Variants in IGSF9B observed in about 807,000 individuals in gnomAD.
IGSF9B encodes the protein protein turtle homolog B.
A neutral mutation model predicts 143.7 loss-of-function variants in IGSF9B; 48 were observed. That is an observed-to-expected ratio of 0.33 (90% confidence interval 0.26 to 0.42). The LOEUF (loss-of-function observed/expected upper bound fraction) is 0.42. Ranked by LOEUF, IGSF9B falls within the 20% of genes least tolerant of loss-of-function variation. The probability of loss-of-function intolerance (pLI) is 1.00; values close to 1 mark genes in which losing one functional copy is unlikely to be tolerated. For synonymous variants in IGSF9B, 903 were observed against 833.1 expected (o/e 1.08, Z -1.44); for missense variants, 1,706 against 1,980.0 (o/e 0.86, Z 2.63).
chr11:133,939,718 A>G (rs1284773731), intron 3 of IGSF9B, among the ~76,000 whole-genome samples: 2 of 152,018 alleles, frequency 1.3e-5, no homozygotes, highest in African/African-American at 4.8e-5. Flanking sequence ...ACACGTCATC[A>G]CATGCAAAAA....
chr11:133,913,562 C>T lies in IGSF9B; in HGVS notation c.3984-1555G>A, dbSNP rs952365158. On this transcript the variant is annotated intron_variant, in intron 18 of 19. Transcript: ENST00000533871. The surrounding 1 kb of genome is among the most constrained non-coding windows in gnomAD (Gnocchi z 4.6). ...AAAGGCTCCCTCAAAGTTCAGGTCA[C>T]GGTCAACCTCTTGACTTTCCATAGC... 1.3e-5 allele frequency among the ~76,000 whole-genome samples: 2 copies of T among 152,202 alleles called. No homozygotes were observed. Among genetic ancestry groups the T allele is most frequent in the African/African-American group, 2.4e-5 (1 of 41,454 alleles).
chr11:133,928,247 G>C lies in IGSF9B; in HGVS notation c.1632-1156C>G, dbSNP rs1027517420. Among the ~76,000 whole-genome samples the C allele has an allele frequency of 6.6e-6, 1 of 152,220 alleles. No individual in the cohort carries two copies. Among genetic ancestry groups the C allele is most frequent in the African/African-American group, 2.4e-5 (1 of 41,546 alleles). Reference sequence around the variant, plus strand: ...GGACACCTAGGCGCTGAGCAGCACCGGTCTCCCAGCAGCCACCGGGCAGGC... The same window carrying C: ...GGACACCTAGGCGCTGAGCAGCACCCGTCTCCCAGCAGCCACCGGGCAGGC... On this transcript the variant is annotated intron_variant, in intron 12 of 19. Coordinates refer to ENST00000533871, the MANE Select transcript of IGSF9B (RefSeq NM_001277285.4). This position sits in a 1 kb window ranked among gnomAD's most constrained non-coding sequence, Gnocchi z 4.7.
Position 133,903,631 on chromosome 11 carries a change from C to A in IGSF9B, c.*5438G>T, listed in dbSNP as rs141535313. ...CTCAGGGGATGGTGGTGTCTTTGGA[C>A]CAAATTCAATCTACTGAGTGTTTTT... On this transcript the variant is annotated 3_prime_UTR_variant, in exon 20 of 20. Transcript: ENST00000533871. 6.6e-5 allele frequency among the ~76,000 whole-genome samples: 10 copies of A among 152,280 alleles called. No individual in the cohort carries two copies. The highest frequency in any genetic ancestry group is 2.4e-4 in the African/African-American group (10 of 41,550).
intron 18 of IGSF9B, among the ~76,000 whole-genome samples, chr11:133,915,545 CTT>C (rs1238024126): frequency 6.6e-6 from 1 of 152,114 alleles, no homozygotes; most frequent in Non-Finnish European, 1.5e-5. Context: ...AGCCCACACT[CTT>C]TTTCTCTCTT....
chr11:133,917,197 G>A (rs1306937880), intron 18 of IGSF9B, among the ~76,000 whole-genome samples: 3 of 152,198 alleles, frequency 2.0e-5, no homozygotes, highest in Non-Finnish European at 4.4e-5. Context: ...CGATGCCTGT[G>A]TGTGCCCAGG....
Position 133,945,892 on chromosome 11 carries a change from C to T in IGSF9B, c.262+169G>A, listed in dbSNP as rs1160376115. Reference sequence around the variant, plus strand: ...CCTGCCCCACCTCCACAGCCCTCTCCTCCCACCGCTTGATTAGAACCAACA... The same window carrying T: ...CCTGCCCCACCTCCACAGCCCTCTCTTCCCACCGCTTGATTAGAACCAACA... On this transcript the variant is annotated intron_variant, in intron 2 of 19. Transcript: ENST00000533871. This position sits in a 1 kb window ranked among gnomAD's most constrained non-coding sequence, Gnocchi z 4.6. Among the ~76,000 whole-genome samples the T allele has an allele frequency of 6.6e-6, 1 of 152,018 alleles. No homozygotes were observed. Among genetic ancestry groups the T allele is most frequent in the Non-Finnish European group, 1.5e-5 (1 of 68,012 alleles).
rs1219100895 is a variant in IGSF9B at position 133,944,210 on chromosome 11, C to T, written c.409+10G>A. The T allele has an allele frequency of 2.0e-5, 31 of 1,588,696 alleles. No individual in the cohort carries two copies. Among genetic ancestry groups the T allele is most frequent in the African/African-American group, 5.4e-5 (4 of 74,508 alleles). ...GGTGAGGTGGACCCACCCTGGAAGCCGTCACTCACCGTTGATGGTGAGGTG... is the reference window on the plus strand; with the variant it reads ...GGTGAGGTGGACCCACCCTGGAAGCTGTCACTCACCGTTGATGGTGAGGTG... On this transcript the variant is annotated intron_variant, in intron 3 of 19. Transcript: ENST00000533871.
intron 16 of IGSF9B, 83 bp from the exon 17 acceptor site, chr11:133,922,305 C>A (rs369500100): frequency 7.8e-7 from 1 of 1,287,376 alleles, no homozygotes; most frequent in Admixed American, 1.9e-5. Flanking sequence ...CTGACAGAGC[C>A]GGAGCACCAC....
chr11:133,912,440 C>T (rs1939315755), intron 18 of IGSF9B: 3 of 446,620 alleles, frequency 6.7e-6, no homozygotes, highest in Admixed American at 4.8e-5. Context: ...CAGCTCCCAT[C>T]CCAGTGAATC....
Position 133,916,937 on chromosome 11 carries a change from A to G in IGSF9B, c.3983+2805T>C, listed in dbSNP as rs1013229487. On this transcript the variant is annotated intron_variant, in intron 18 of 19. Coordinates refer to ENST00000533871, the MANE Select transcript of IGSF9B (RefSeq NM_001277285.4). ...GCCTGACAGCCCTCACACTCACCCT[A>G]TGCCAGACAGCCTCACCCACAATTC... Among the ~76,000 whole-genome samples, 5 of 152,112 alleles carry G rather than the reference A, an allele frequency of 3.3e-5. No homozygotes were observed. In the East Asian group the frequency reaches 9.7e-4, roughly 29 times the overall value.
rs1041622675 is a variant in IGSF9B, at chr11:133,909,421, G to A, written c.4106-144C>T. The A allele has an allele frequency of 2.6e-5, 18 of 694,816 alleles. No homozygotes were observed. The highest frequency in any genetic ancestry group is 1.6e-4 in the East Asian group (6 of 36,774). The allele number at this position is 694,816 out of a possible 1,614,324, so 43.0% of individuals were successfully genotyped here. A position where few individuals can be genotyped will look rare whatever the true frequency, so the allele number is the denominator to read the frequency against. Reference sequence around the variant, plus strand: ...CACCTGAGTCTAGAGAGACCAGACCGAATTGCTGCAGAGAAACCACCTTCT... The same window carrying A: ...CACCTGAGTCTAGAGAGACCAGACCAAATTGCTGCAGAGAAACCACCTTCT... On this transcript the variant is annotated intron_variant, in intron 19 of 19. Transcript: ENST00000533871. This position sits in a 1 kb window ranked among gnomAD's most constrained non-coding sequence, Gnocchi z 4.2.
Position 133,920,684 on chromosome 11 carries a change from T to A in IGSF9B, c.3041A>T (p.Glu1014Val). 6.2e-7 allele frequency: 1 copy of A among 1,613,050 alleles called. No homozygotes were observed. Among genetic ancestry groups the A allele is most frequent in the South Asian group, 1.1e-5 (1 of 91,072 alleles). ...EGPFGHPTIP[E>V]ENGENASNST... ...GTTGGATGCATTCTCTCCATTCTCC[T>A]CGGGGATGGTGGGGTGGCCAAAGGG... The change falls in exon 18 of 20, where the codon GAG (glutamate) becomes GTG (valine). Residue 1014 changes from glutamate (E) to valine (V), a missense_variant. Transcript: ENST00000533871.
At chr11:133,952,621 T>G (rs1940180931) in intron 1 of IGSF9B, among the ~76,000 whole-genome samples, 1 of 152,014 alleles carries the variant, frequency 6.6e-6, no homozygotes, top group Admixed American at 6.5e-5. Flanking sequence ...CATACATGCA[T>G]GTGCATGCAC....
In IGSF9B at chr11:133,905,011, G is replaced by T. The variant is rs946049744; in HGVS notation, c.*4058C>A. Among the ~76,000 whole-genome samples the T allele has an allele frequency of 6.7e-6, 1 of 150,326 alleles. No individual in the cohort carries two copies. The highest frequency in any genetic ancestry group is 1.5e-5 in the Non-Finnish European group (1 of 67,776). ...CAGGGCTGGGTTAGAAGCCCCGGTG[G>T]GAATGTGCACAGCTCCTAGAGTACC... is the stretch of plus-strand genomic sequence containing the variant. On this transcript the variant is annotated 3_prime_UTR_variant, in exon 20 of 20. Coordinates refer to ENST00000533871, the MANE Select transcript of IGSF9B (RefSeq NM_001277285.4). The surrounding 1 kb of genome is among the most constrained non-coding windows in gnomAD (Gnocchi z 4.0).
rs1025529559 is a variant in IGSF9B at position 133,956,928 on chromosome 11, G to T, written c.-174C>A. On this transcript the variant is annotated 5_prime_UTR_variant, in exon 1 of 20. Transcript: ENST00000533871. The stretch of plus-strand genomic sequence containing the variant: ...ATCCCTCCTAGGCTCCGCTCGGCTC[G>T]GCGCGCGCCTCCCCGGCCCCGGCGC... The T allele has an allele frequency of 2.6e-6, 1 of 385,232 alleles. No homozygotes were observed. The allele number at this position is 385,232 out of a possible 1,614,324, so 23.9% of individuals were successfully genotyped here.
chr11:133,926,372 G>A (rs975578479), intron 13 of IGSF9B, among the ~76,000 whole-genome samples: 9 of 152,210 alleles, frequency 5.9e-5, no homozygotes, highest in African/African-American at 2.2e-4. Context: ...CTTGGCGGCC[G>A]CTCAGGAGCG....
chr11:133,922,159 A>T lies in IGSF9B; in HGVS notation c.2327+18T>A, dbSNP rs780067178. On this transcript the variant is annotated intron_variant, in intron 17 of 19. Coordinates refer to ENST00000533871, the MANE Select transcript of IGSF9B (RefSeq NM_001277285.4). ...CTGCCATGAACAGCACAATTCTCCC[A>T]GGATCTGAGACACTTACGGAGACTC... The T allele has an allele frequency of 1.2e-6, 2 of 1,610,388 alleles. No individual in the cohort carries two copies. The highest frequency in any genetic ancestry group is 2.2e-5 in the South Asian group (2 of 90,628).
chr11:133,920,014 G>C lies in IGSF9B; in HGVS notation c.3711C>G (p.Ile1237Met), dbSNP rs1939486113. The change falls in exon 18 of 20, where the codon ATC becomes ATG. Residue 1237 changes from isoleucine to methionine, a missense_variant. Physicochemically the swap from Ile to Met is conservative, Grantham distance 10. Coordinates refer to ENST00000533871, the MANE Select transcript of IGSF9B (RefSeq NM_001277285.4). The stretch of plus-strand genomic sequence containing the variant: ...TGACTGCAGCCGGCGGCTGCAGGGT[G>C]ATCTCTGACATCTCTGCCTGCTGCA... ...GLLQQAEMSE[I>M]TLQPPAAVSF... The C allele has an allele frequency of 1.3e-6, 2 of 1,585,030 alleles. No homozygotes were observed. Among genetic ancestry groups the C allele is most frequent in the East Asian group, 4.5e-5 (2 of 44,366 alleles).
intron 5 of IGSF9B, among the ~76,000 whole-genome samples, chr11:133,936,675 T>C (rs557190478): frequency 1.6e-4 from 25 of 152,108 alleles, no homozygotes; most frequent in African/African-American, 6.0e-4. Context: ...GGGAACAGCT[T>C]CCATCCAGGC....
Sources: gnomAD v4.1 joint callset for allele counts (sites outside exome capture counted in the v4.1 genomes callset) on GRCh38, gnomAD v4.1.1 for gene constraint, Gnocchi (gnomAD v3.1) non-coding constraint, MANE v1.5 for transcripts, NCBI Gene and HGNC (gene_info 2026-07-23, HGNC 2026-07-21) for gene names.